FER1L5: variants seen among roughly 807,000 people sequenced by gnomAD.
The protein encoded by FER1L5 is fer-1-like protein 5.
FER1L5 carries 187 observed loss-of-function variants against 279.9 expected under a neutral mutation model. That is an observed-to-expected ratio of 0.67 (90% CI 0.59 to 0.75). FER1L5 has a LOEUF of 0.75. Among genes scored for constraint, FER1L5 ranks in the 30% least tolerant of loss-of-function variants. The pLI, the probability that FER1L5 is intolerant of heterozygous loss-of-function variation, is 0.00. For synonymous variants in FER1L5, 921 were observed against 989.7 expected, an observed-to-expected ratio of 0.93 and a Z score of 1.30; for missense variants, 2,091 against 2,594.4, an observed-to-expected ratio of 0.81 and a Z score of 4.21.
intron 30 of FER1L5, 67 bp downstream of exon 30, chr2:96,692,030 G>GC: frequency 1.1e-6 from 1 of 884,454 alleles, no homozygotes; most frequent in Non-Finnish European, 1.8e-6. Flanking sequence ...GGGGGGGGGG[G>GC]ACAGGGTGGG....
chr2:96,670,137 A>G lies in FER1L5; in HGVS notation c.1381A>G (p.Arg461Gly). The G allele has an allele frequency of 6.4e-7, 1 of 1,551,572 alleles. No individual in the cohort carries two copies. Among genetic ancestry groups the G allele is most frequent in the Middle Eastern group, 1.7e-4 (1 of 5,986 alleles). The change falls in exon 18 of 53, where the codon AGG (arginine) becomes GGG (glycine). Residue 461 changes from arginine (R) to glycine (G), a missense_variant. Arg to Gly is a moderately radical substitution (Grantham distance 125). Coordinates refer to ENST00000624922, the MANE Select transcript of FER1L5 (RefSeq NM_001293083.2). ...EEGACIPDSV[R>G]DGLAYRGRVF... ...GCCCTAGTGTATTCCCGACTCTGTT[A>G]GGGATGGTTTAGCTTATCGAGGCCG... is the stretch of plus-strand genomic sequence containing the variant.
At chr2:96,671,497 A>C (rs1331517812) in intron 18 of FER1L5, among the ~76,000 whole-genome samples, 2 of 152,250 alleles carry the variant, frequency 1.3e-5, no homozygotes, top group Non-Finnish European at 2.9e-5. Flanking sequence ...GCAATGCACC[A>C]AGGTGGGCTC....
intron 7 of FER1L5, chr2:96,652,906 C>T (rs1251403263): frequency 6.6e-6 from 1 of 152,424 alleles, no homozygotes; most frequent in Non-Finnish European, 1.5e-5. Flanking sequence ...CTACCATTCC[C>T]CATTCTGGGC....
Position 96,698,547 on chromosome 2 carries a change from T to C in FER1L5, c.4357-124T>C. On this transcript the variant is annotated intron_variant, in intron 40 of 52. Transcript: ENST00000624922. This position sits in a 1 kb window ranked among gnomAD's most constrained non-coding sequence, Gnocchi z 5.5. ...CCTGCCTCCACTGTCCTCATGGCCT[T>C]CTATCCCTGCCACCCTCAGCCCAAC... 1 of 818,330 alleles carries C rather than the reference T, an allele frequency of 1.2e-6. No homozygotes were observed. Among genetic ancestry groups the C allele is most frequent in the Non-Finnish European group, 1.9e-6 (1 of 520,318 alleles). The allele number at this position is 818,330 out of a possible 1,614,324, so 50.7% of individuals were successfully genotyped here. A position where few individuals can be genotyped will look rare whatever the true frequency, so the allele number is the denominator to read the frequency against.
rs2075398011 is a variant in FER1L5 at position 96,651,910 on chromosome 2, G to A, written c.523G>A (p.Glu175Lys). 6.4e-7 allele frequency: 1 copy of A among 1,552,066 alleles called. No homozygotes were observed. The highest frequency in any genetic ancestry group is 8.7e-7 in the Non-Finnish European group (1 of 1,147,064). The stretch of plus-strand genomic sequence containing the variant: ...CCCTTAGGTTCGAGTGAAGGTGTTT[G>A]AAGCCCGACAGCTCATGGGCAACAA... ...QHFQVRVKVF[E>K]ARQLMGNNIK... The change falls in exon 7 of 53, where the codon GAA becomes AAA. Residue 175 changes from glutamate (E) to lysine (K), a missense_variant. By Grantham distance (56) the Glu-to-Lys change is moderately conservative (BLOSUM62 1). Transcript: ENST00000624922.
intron 14 of FER1L5, among the ~76,000 whole-genome samples, chr2:96,665,161 G>T (rs771625782): frequency 6.6e-6 from 1 of 152,222 alleles, no homozygotes; most frequent in African/African-American, 2.4e-5. Context: ...AGTTCTGAGA[G>T]AGAACTTGAG....
chr2:96,704,460 C>G lies in FER1L5; in HGVS notation c.5950-8C>G, dbSNP rs763078469. Reference sequence around the variant, plus strand: ...CACCCCAGGCTAACTGTTGTCTGTTCTCTCTAGCACTATTTGGCCATGAGC... The same window carrying G: ...CACCCCAGGCTAACTGTTGTCTGTTGTCTCTAGCACTATTTGGCCATGAGC... On this transcript the variant is annotated splice_region_variant and splice_polypyrimidine_tract_variant and intron_variant, in intron 52 of 52. Transcript: ENST00000624922. The G allele has an allele frequency of 3.1e-6, 5 of 1,613,810 alleles. No homozygotes were observed. In the East Asian group the frequency reaches 8.9e-5, roughly 29 times the overall value.
chr2:96,663,806 G>A lies in FER1L5; in HGVS notation c.1140+299G>A, dbSNP rs558596531. On this transcript the variant is annotated intron_variant, in intron 14 of 52. Coordinates refer to ENST00000624922, the MANE Select transcript of FER1L5 (RefSeq NM_001293083.2). ...ACCTGTAATCCCAGCACTTTCGGAG[G>A]CTGACGTGGGCAGATCACTTGAGCT... Among the ~76,000 whole-genome samples the A allele has an allele frequency of 8.3e-4, 126 of 152,130 alleles. 3 individuals carry two copies. The highest frequency in any genetic ancestry group is 2.2e-4 in the Non-Finnish European group (15 of 68,030).
At chr2:96,655,654 A>G (rs2075569000) in intron 9 of FER1L5, among the ~76,000 whole-genome samples, 1 of 152,238 alleles carries the variant, frequency 6.6e-6, no homozygotes, top group African/African-American at 2.4e-5. Context: ...ATTTCTAGAC[A>G]GTGACCAATG....
intron 8 of FER1L5, 188 bp downstream of exon 8, chr2:96,653,890 T>A (rs1558844667): frequency 6.9e-6 from 4 of 577,916 alleles, no homozygotes; most frequent in African/African-American, 1.9e-5. Context: ...CAACAAATGT[T>A]GTGGATTGCC....
chr2:96,698,580 C>G lies in FER1L5; in HGVS notation c.4357-91C>G. The G allele has an allele frequency of 8.9e-7, 1 of 1,125,618 alleles. No homozygotes were observed. Among genetic ancestry groups the G allele is most frequent in the South Asian group, 1.5e-5 (1 of 68,042 alleles). The allele number at this position is 1,125,618 out of a possible 1,614,324, so 69.7% of individuals were successfully genotyped here. A position where few individuals can be genotyped will look rare whatever the true frequency, so the allele number is the denominator to read the frequency against. On this transcript the variant is annotated intron_variant, in intron 40 of 52. Transcript: ENST00000624922. The surrounding 1 kb of genome is among the most constrained non-coding windows in gnomAD (Gnocchi z 5.5). ...TGCCACCCTCAGCCCAACCCTCTCTCTCCTGAACATGGGCTGGGGCACCTC... is the reference window on the plus strand; with the variant it reads ...TGCCACCCTCAGCCCAACCCTCTCTGTCCTGAACATGGGCTGGGGCACCTC...
intron 18 of FER1L5, 143 bp from the exon 19 acceptor site, chr2:96,672,934 G>T: frequency 9.8e-7 from 1 of 1,023,960 alleles, no homozygotes; most frequent in Non-Finnish European, 1.4e-6. Context: ...AGCAGGGTGC[G>T]AGGGAGCCTC....
chr2:96,673,016 T>A, intron 18 of FER1L5, 61 bp from the exon 19 acceptor site: 1 of 1,502,190 alleles, frequency 6.7e-7, no homozygotes. Context: ...CCTCCCTGCC[T>A]GTCAATATAA....
intron 9 of FER1L5, among the ~76,000 whole-genome samples, chr2:96,655,300 C>T (rs2075555962): frequency 6.6e-6 from 1 of 152,074 alleles, no homozygotes; most frequent in African/African-American, 2.4e-5. Flanking sequence ...TAAGATTCTC[C>T]AAATCCAAAA....
chr2:96,668,624 G>A (rs2076212596), intron 14 of FER1L5, 127 bp from the exon 15 acceptor site: 1 of 1,054,140 alleles, frequency 9.5e-7, no homozygotes, highest in Non-Finnish European at 1.4e-6. Context: ...CTATGATGAA[G>A]TGGCTCACTG....
Position 96,698,395 on chromosome 2 carries a change from G to A in FER1L5, c.4356+239G>A, listed in dbSNP as rs2077462476. On this transcript the variant is annotated intron_variant, in intron 40 of 52. Transcript: ENST00000624922. This position sits in a 1 kb window ranked among gnomAD's most constrained non-coding sequence, Gnocchi z 5.5. ...CTGCAAAGCCACAGAGAACAAGCCCGAACCTGAAGGGATAGATGGGGTGGA... is the reference window on the plus strand; with the variant it reads ...CTGCAAAGCCACAGAGAACAAGCCCAAACCTGAAGGGATAGATGGGGTGGA... Among the ~76,000 whole-genome samples the A allele has an allele frequency of 6.6e-6, 1 of 151,516 alleles. No homozygotes were observed. The highest frequency in any genetic ancestry group is 2.4e-5 in the African/African-American group (1 of 41,302).
intron 23 of FER1L5, 75 bp from the exon 24 acceptor site, chr2:96,687,741 G>C (rs2106634591): frequency 6.5e-7 from 1 of 1,533,146 alleles, no homozygotes; most frequent in East Asian, 2.5e-5. Flanking sequence ...GGCAGGTACA[G>C]CCCACTTGGG....
chr2:96,668,246 G>A (rs2076198893), intron 14 of FER1L5, among the ~76,000 whole-genome samples: 2 of 152,154 alleles, frequency 1.3e-5, no homozygotes, highest in Non-Finnish European at 2.9e-5. Flanking sequence ...AGGCCCAGCT[G>A]GGCGAGGTGG....
chr2:96,645,965 G>A (rs2075105954), intron 1 of FER1L5, among the ~76,000 whole-genome samples: 1 of 150,802 alleles, frequency 6.6e-6, no homozygotes, highest in Non-Finnish European at 1.5e-5. Flanking sequence ...CTTGAAGGCA[G>A]TGCCTGCCAC....
Sources: gnomAD v4.1 joint callset for allele counts (sites outside exome capture counted in the v4.1 genomes callset) on GRCh38, gnomAD v4.1.1 for gene constraint, Gnocchi (gnomAD v3.1) non-coding constraint, MANE v1.5 for transcripts, NCBI Gene and HGNC (gene_info 2026-07-23, HGNC 2026-07-21) for gene names.